The following DCDC1 variants were observed in gnomAD, a reference collection of about 807,000 sequenced individuals.
The protein encoded by DCDC1 is doublecortin domain-containing protein 1.
DCDC1 carries 200 observed loss-of-function variants against 178.3 expected under a neutral mutation model. The observed-to-expected ratio is 1.12, with a 90% CI of 1.00 to 1.26. The LOEUF (loss-of-function observed/expected upper bound fraction) is 1.26, where lower values mean the gene tolerates loss of function less well. Among genes scored for constraint, DCDC1 ranks in the 50% most tolerant of loss-of-function variants. DCDC1 has a pLI of 0.00. For synonymous variants in DCDC1, 690 were observed against 604.8 expected (o/e 1.14, Z -2.07); for missense variants, 1,983 against 1,749.2 (o/e 1.13, Z -2.38).
At chr11:31,213,550 T>C (rs1333317075) in intron 9 of DCDC1, among the ~76,000 whole-genome samples, 5 of 151,848 alleles carry the variant, frequency 3.3e-5, no homozygotes, top group Non-Finnish European at 5.9e-5. Flanking sequence ...TGAAACCCCA[T>C]CTTTATTAAA....
intron 37 of DCDC1, among the ~76,000 whole-genome samples, chr11:30,880,188 A>G (rs991772924): frequency 3.9e-5 from 6 of 152,142 alleles, no homozygotes; most frequent in Admixed American, 2.0e-4. Context: ...AGGGTCACCA[A>G]GAGCCAGGGT....
At chr11:31,174,956 G>A (rs1967791007) in intron 9 of DCDC1, among the ~76,000 whole-genome samples, 2 of 152,186 alleles carry the variant, frequency 1.3e-5, no homozygotes, top group African/African-American at 4.8e-5. Flanking sequence ...ACTTGGACCT[G>A]CCAAATGGCA....
At chr11:31,299,429 G>A (rs1947936710) in intron 6 of DCDC1, among the ~76,000 whole-genome samples, 1 of 152,084 alleles carries the variant, frequency 6.6e-6, no homozygotes, top group African/African-American at 2.4e-5. Context: ...GCAGCTTAAA[G>A]TTAAGACTAG....
chr11:31,117,604 G>A (rs1591105210), intron 11 of DCDC1, among the ~76,000 whole-genome samples: 1 of 151,578 alleles, frequency 6.6e-6, no homozygotes. Flanking sequence ...TTCCTTGTAA[G>A]TATCTAAACT....
At chr11:31,120,037 T>C (rs771776978) in intron 11 of DCDC1, among the ~76,000 whole-genome samples, 5 of 152,186 alleles carry the variant, frequency 3.3e-5, no homozygotes, top group Non-Finnish European at 7.3e-5. Flanking sequence ...TATTTGATAA[T>C]ATGTGGATTT....
intron 1 of DCDC1, among the ~76,000 whole-genome samples, chr11:31,366,724 AAAG>A (rs35565136): frequency 5.9e-5 from 9 of 152,350 alleles, no homozygotes; most frequent in African/African-American, 2.2e-4. Flanking sequence ...GATTATTGTC[AAAG>A]AAGAAGGCTT....
chr11:31,191,394 T>C (rs931972225), intron 9 of DCDC1, among the ~76,000 whole-genome samples: 8 of 152,222 alleles, frequency 5.3e-5, no homozygotes, highest in African/African-American at 1.9e-4. Context: ...CCCTTTAGCA[T>C]GATTTATGAT....
chr11:31,253,626 T>A (rs1431366545), intron 8 of DCDC1, among the ~76,000 whole-genome samples: 6 of 152,136 alleles, frequency 3.9e-5, no homozygotes, highest in Non-Finnish European at 7.4e-5. Flanking sequence ...TTAAATAATA[T>A]TTTAAAACTT....
intron 8 of DCDC1, chr11:31,262,936 T>C (rs1591576239): frequency 1.8e-6 from 2 of 1,125,664 alleles, no homozygotes; most frequent in African/African-American, 3.1e-5. Flanking sequence ...CATAAGCTTT[T>C]ATAAGGATGC....
intron 21 of DCDC1, among the ~76,000 whole-genome samples, chr11:30,934,230 A>G (rs1244473200): frequency 1.3e-5 from 2 of 152,128 alleles, no homozygotes; most frequent in Admixed American, 1.3e-4. Flanking sequence ...GCGACCCCCT[A>G]GGGACTCCTA....
intron 20 of DCDC1, among the ~76,000 whole-genome samples, chr11:30,972,589 T>C (rs945961084): frequency 1.3e-5 from 2 of 151,876 alleles, no homozygotes; most frequent in Non-Finnish European, 2.9e-5. Context: ...GTTACCACTA[T>C]AGAAAACCAC....
At chr11:31,231,928 C>A (rs1488850995) in intron 9 of DCDC1, among the ~76,000 whole-genome samples, 2 of 152,204 alleles carry the variant, frequency 1.3e-5, no homozygotes, top group Admixed American at 6.5e-5. Context: ...CAGTGTGTAT[C>A]TTCTTCCTAA....
chr11:31,310,865 A>T (rs1948731813), intron 3 of DCDC1, among the ~76,000 whole-genome samples: 1 of 152,200 alleles, frequency 6.6e-6, no homozygotes, highest in Admixed American at 6.5e-5. Flanking sequence ...ATAGAAAGTT[A>T]TGAAAGTAAA....
chr11:31,166,895 G>A lies in DCDC1; in HGVS notation c.1222-29111C>T, dbSNP rs113771637. Among the ~76,000 whole-genome samples, 342 of 152,238 alleles carry A rather than the reference G, an allele frequency of 2.2e-3. 4 individuals are homozygous for A. Among genetic ancestry groups the A allele is most frequent in the African/African-American group, 7.8e-3 (323 of 41,564 alleles). Reference sequence around the variant, plus strand: ...AATATACATGATGATTAGAGTTCTAGTAGTTGTTCTTGAACCACGAGAGGA... The same window carrying A: ...AATATACATGATGATTAGAGTTCTAATAGTTGTTCTTGAACCACGAGAGGA... On this transcript the variant is annotated intron_variant, in intron 9 of 38. Coordinates refer to ENST00000684477, the MANE Select transcript of DCDC1 (RefSeq NM_001387274.1).
At chr11:30,913,941 A>G (rs575075443) in intron 27 of DCDC1, among the ~76,000 whole-genome samples, 27 of 152,362 alleles carry the variant, frequency 1.8e-4, no homozygotes, top group African/African-American at 6.5e-4. Flanking sequence ...GACCTCTACT[A>G]TAATACAGAA....
chr11:31,307,141 A>T (rs1299151674), intron 4 of DCDC1, among the ~76,000 whole-genome samples: 1 of 152,324 alleles, frequency 6.6e-6, no homozygotes, highest in East Asian at 1.9e-4. Context: ...CACATATTCA[A>T]ACATTTGAAA....
chr11:31,166,854 C>T (rs1225595059), intron 9 of DCDC1, among the ~76,000 whole-genome samples: 3 of 152,022 alleles, frequency 2.0e-5, no homozygotes, highest in Admixed American at 1.3e-4. Flanking sequence ...CAAGCTTTCT[C>T]CTTCTTACTG....
chr11:30,894,588 G>A (rs1283993205), intron 34 of DCDC1, among the ~76,000 whole-genome samples: 3 of 152,178 alleles, frequency 2.0e-5, no homozygotes, highest in African/African-American at 4.8e-5. Flanking sequence ...TAAATAGCCA[G>A]GATTCATATA....
chr11:31,138,950 GATTCTGATGAT>G (rs1963491002), intron 9 of DCDC1, among the ~76,000 whole-genome samples: 1 of 151,884 alleles, frequency 6.6e-6, no homozygotes, highest in African/African-American at 2.4e-5. Context: ...ATCTTTTGGT[GATTCTGATGAT>G]CACCCTAGAT....
Sources: allele counts gnomAD v4.1 joint callset (sites outside exome capture counted in the v4.1 genomes callset), GRCh38; gene constraint gnomAD v4.1.1; transcripts MANE v1.5; gene names NCBI Gene and HGNC (gene_info 2026-07-23, HGNC 2026-07-21).